The following UBE2E2 variants were observed in gnomAD, a reference collection of about 807,000 sequenced individuals.
The protein encoded by UBE2E2 is ubiquitin conjugating enzyme E2 E2, also known as ubiquitin-conjugating enzyme E2 E2.
A neutral mutation model predicts 24.7 loss-of-function variants in UBE2E2; 6 were observed. That is an observed-to-expected ratio of 0.24 (90% CI 0.13 to 0.48). The LOEUF (loss-of-function observed/expected upper bound fraction) is 0.48, where lower values mean the gene tolerates loss of function less well. Ranked by LOEUF, UBE2E2 falls within the 20% of genes least tolerant of loss-of-function variation. The pLI is 0.99. For synonymous variants in UBE2E2, 104 were observed against 83.6 expected (o/e 1.24, Z -1.33); for missense variants, 169 against 245.0 (o/e 0.69, Z 2.07).
chr3:23,379,192 A>C (rs1696598767), intron 3 of UBE2E2, among the ~76,000 whole-genome samples: 1 of 152,314 alleles, frequency 6.6e-6, no homozygotes, highest in African/African-American at 2.4e-5. Context: ...GAAATGTTCC[A>C]CAGAGATTCC....
rs544750403 is a variant in UBE2E2 at position 23,472,259 on chromosome 3, A to C, written c.228-27349A>C. Among the ~76,000 whole-genome samples, 4 of 152,348 alleles carry C rather than the reference A, an allele frequency of 2.6e-5. No individual in the cohort carries two copies. The South Asian group carries it at 8.3e-4, about 32-fold the overall frequency. On this transcript the variant is annotated intron_variant, in intron 3 of 5. Transcript: ENST00000396703. ...ACTTACCTTCAGTTACAGCTCCCCC[A>C]GACAATCAAATATTGCTCACATGAG...
At chr3:23,258,780 C>G (rs1193736349) in intron 3 of UBE2E2, among the ~76,000 whole-genome samples, 1 of 151,324 alleles carries the variant, frequency 6.6e-6, no homozygotes, top group Admixed American at 6.6e-5. Flanking sequence ...GTAGTCCCAG[C>G]TACTCGGGAG....
intron 3 of UBE2E2, among the ~76,000 whole-genome samples, chr3:23,233,265 G>C (rs1021156958): frequency 3.3e-5 from 5 of 152,158 alleles, no homozygotes; most frequent in African/African-American, 1.2e-4. Context: ...AGTCTTTTTA[G>C]TTTAAGGTAA....
chr3:23,458,604 A>C (rs935861464), intron 3 of UBE2E2, among the ~76,000 whole-genome samples: 1 of 152,016 alleles, frequency 6.6e-6, no homozygotes, highest in African/African-American at 2.4e-5. Context: ...TTTTTAGTAG[A>C]GATGGGGTTT....
At chr3:23,272,053 A>T (rs964823395) in intron 3 of UBE2E2, among the ~76,000 whole-genome samples, 2 of 152,148 alleles carry the variant, frequency 1.3e-5, no homozygotes, top group Non-Finnish European at 2.9e-5. Flanking sequence ...TGGGCAGTCA[A>T]TGGGACTGGG....
intron 3 of UBE2E2, among the ~76,000 whole-genome samples, chr3:23,441,411 C>T (rs1443554005): frequency 2.7e-5 from 4 of 148,100 alleles, no homozygotes; most frequent in Admixed American, 2.7e-4. Flanking sequence ...TGGTGGCGGG[C>T]GCCTGTAGTC....
At chr3:23,470,559 T>G (rs1699012841) in intron 3 of UBE2E2, among the ~76,000 whole-genome samples, 1 of 152,240 alleles carries the variant, frequency 6.6e-6, no homozygotes, top group Admixed American at 6.5e-5. Context: ...AGGAAAAATC[T>G]AATTGAGTTG....
rs182417438 is a variant in UBE2E2, at chr3:23,493,694, A to G, written c.228-5914A>G. Among the ~76,000 whole-genome samples, 209 of 152,320 alleles carry G rather than the reference A, an allele frequency of 1.4e-3. 1 individual carries two copies. Among genetic ancestry groups the G allele is most frequent in the Admixed American group, 2.9e-3 (44 of 15,294 alleles). On this transcript the variant is annotated intron_variant, in intron 3 of 5. Transcript: ENST00000396703. ...ATTTGGATTTCCTAAGAGTGGCAGC[A>G]GTGGATATACATGATTTCTAAAGTT...
At chr3:23,332,776 G>T (rs139504952) in intron 3 of UBE2E2, among the ~76,000 whole-genome samples, 27 of 151,716 alleles carry the variant, frequency 1.8e-4, no homozygotes, top group Non-Finnish European at 3.1e-4. Context: ...TTGAGAAAAG[G>T]AGTAGTATTT....
chr3:23,349,450 G>A (rs931959363), intron 3 of UBE2E2, among the ~76,000 whole-genome samples: 6 of 152,324 alleles, frequency 3.9e-5, no homozygotes, highest in African/African-American at 7.2e-5. Context: ...CTCGGGAAGC[G>A]CAAGGGGTCA....
chr3:23,208,857 T>C lies in UBE2E2; in HGVS notation c.158T>C (p.Leu53Ser). 1.2e-6 allele frequency: 2 copies of C among 1,612,620 alleles called. No individual in the cohort carries two copies. Among genetic ancestry groups the C allele is most frequent in the Non-Finnish European group, 1.7e-6 (2 of 1,179,278 alleles). The stretch of plus-strand genomic sequence containing the variant: ...ATATCCAGCAAAACCGCTGCTAAAT[T>C]GTCAACTAGTGCTAAAAGGTACTTC... ...GKISSKTAAK[L>S]STSAKRIQKE... Residue 53 changes from leucine (L) to serine (S), a missense_variant, in exon 2 of 6, where the codon TTG becomes TCG. By Grantham distance (145) the Leu-to-Ser change is moderately radical. Around this residue, in one of 2 missense-constraint regions of UBE2E2, gnomAD observed 64 missense variants for 64.3 expected, o/e 1.00. Transcript: ENST00000396703.
chr3:23,435,360 C>T (rs117690459), intron 3 of UBE2E2, among the ~76,000 whole-genome samples: 24 of 152,256 alleles, frequency 1.6e-4, no homozygotes, highest in South Asian at 2.1e-4. Flanking sequence ...GAATAAAAAG[C>T]TTGGAGATAA....
intron 3 of UBE2E2, among the ~76,000 whole-genome samples, chr3:23,267,974 A>T (rs200054167): frequency 0.34 from 50,742 of 150,402 alleles, 8,499 homozygotes; most frequent in South Asian, 0.38. Context: ...ATCTCAACAG[A>T]TGCAGAAAAG....
chr3:23,255,946 G>T (rs1410370987), intron 3 of UBE2E2, among the ~76,000 whole-genome samples: 1 of 152,178 alleles, frequency 6.6e-6, no homozygotes, highest in Non-Finnish European at 1.5e-5. Flanking sequence ...CTGCAGTTCA[G>T]CCTGGGCAAC....
chr3:23,337,521 T>A (rs1338601425), intron 3 of UBE2E2, among the ~76,000 whole-genome samples: 1 of 152,192 alleles, frequency 6.6e-6, no homozygotes, highest in Admixed American at 6.5e-5. Context: ...TGAGAGATGC[T>A]GTGTGCTTTA....
At chr3:23,376,848 G>A (rs1266203543) in intron 3 of UBE2E2, among the ~76,000 whole-genome samples, 1 of 152,152 alleles carries the variant, frequency 6.6e-6, no homozygotes, top group Non-Finnish European at 1.5e-5. Context: ...GTTGAGGTCA[G>A]CAACTCACAT....
intron 3 of UBE2E2, among the ~76,000 whole-genome samples, chr3:23,325,066 A>T (rs113486949): frequency 2.6e-5 from 4 of 152,306 alleles, no homozygotes; most frequent in African/African-American, 9.6e-5. Context: ...AAAGTTGTTG[A>T]GAAGCAGTAC....
intron 3 of UBE2E2, among the ~76,000 whole-genome samples, chr3:23,302,646 C>G (rs1699130332): frequency 6.6e-6 from 1 of 152,166 alleles, no homozygotes; most frequent in Non-Finnish European, 1.5e-5. Flanking sequence ...GTATAAATGA[C>G]AGAACATTTG....
intron 3 of UBE2E2, among the ~76,000 whole-genome samples, chr3:23,401,583 C>G: frequency 6.6e-6 from 1 of 152,258 alleles, no homozygotes; most frequent in South Asian, 2.1e-4. Flanking sequence ...CTATATCGTT[C>G]TAACTTTCTC....
Sources: gnomAD v4.1 joint callset for allele counts (sites outside exome capture counted in the v4.1 genomes callset) on GRCh38, gnomAD v4.1.1 for gene constraint, gnomAD v4.1.1 regional missense constraint, MANE v1.5 for transcripts, NCBI Gene and HGNC (gene_info 2026-07-23, HGNC 2026-07-21) for gene names.